GPHN: variants seen among roughly 807,000 people sequenced by gnomAD.
GPHN encodes the protein gephyrin.
Under a neutral mutation model 95.5 loss-of-function variants are expected in GPHN, and 17 were observed. The ratio of observed to expected loss-of-function variants is 0.18; its 90% CI spans 0.12 to 0.27. The LOEUF is 0.27. Ranked by LOEUF, GPHN falls within the 10% of genes least tolerant of loss-of-function variation. GPHN has a pLI of 1.00. For missense variants in GPHN, 660 were observed against 978.1 expected (o/e 0.67, Z 4.34); for synonymous variants, 320 against 322.5 (o/e 0.99, Z 0.08).
intron 5 of GPHN, among the ~76,000 whole-genome samples, chr14:66,882,702 G>C (rs1197585433): frequency 6.6e-6 from 1 of 151,678 alleles, no homozygotes; most frequent in Non-Finnish European, 1.5e-5. Flanking sequence ...GACCATGGTT[G>C]TTTCGTTAGA....
chr14:66,899,878 G>T (rs1156983460), intron 5 of GPHN, among the ~76,000 whole-genome samples: 1 of 151,778 alleles, frequency 6.6e-6, no homozygotes. Context: ...ATTCACTAGT[G>T]GAACCATCTG....
chr14:67,235,532 G>A, the GPHN span, among the ~76,000 whole-genome samples: 1 of 152,028 alleles, frequency 6.6e-6, no homozygotes, highest in Non-Finnish European at 1.5e-5. Flanking sequence ...TGGCTAACAC[G>A]GTGAAACCCT....
chr14:66,696,351 C>G (rs2068095304), intron 2 of GPHN, among the ~76,000 whole-genome samples: 1 of 152,198 alleles, frequency 6.6e-6, no homozygotes, highest in East Asian at 1.9e-4. Flanking sequence ...AGCCTTGAGT[C>G]TTCCAATTCT....
chr14:67,573,986 G>A, the GPHN span: 1 of 876,740 alleles, frequency 1.1e-6, no homozygotes, highest in Non-Finnish European at 1.9e-6. This position sits in a 1 kb window ranked among gnomAD's most constrained non-coding sequence, Gnocchi z 4.8. Context: ...GAGCATGAAT[G>A]AAAGACTTCA....
chr14:66,747,611 TA>T (rs35180294), intron 2 of GPHN, among the ~76,000 whole-genome samples: 47,895 of 144,686 alleles, frequency 0.33, 11,095 homozygotes, highest in African/African-American at 0.64. Flanking sequence ...TAGTACATTG[TA>T]AAAAAAAAAA....
At chr14:67,050,536 T>C (rs529282301) in intron 10 of GPHN, among the ~76,000 whole-genome samples, 18 of 152,304 alleles carry the variant, frequency 1.2e-4, no homozygotes, top group Admixed American at 1.1e-3. Flanking sequence ...AATATTTAAA[T>C]ATCTATAGCA....
At chr14:67,126,134 A>G (rs1232706390) in intron 17 of GPHN, among the ~76,000 whole-genome samples, 1 of 152,184 alleles carries the variant, frequency 6.6e-6, no homozygotes, top group Non-Finnish European at 1.5e-5. Context: ...TAAACATTAT[A>G]TATATATTAA....
the GPHN span, among the ~76,000 whole-genome samples, chr14:67,693,463 C>T: frequency 2.0e-5 from 3 of 150,948 alleles, no homozygotes; most frequent in African/African-American, 7.3e-5. Context: ...ATGGCTAATC[C>T]AATACAAAAA....
chr14:66,820,185 C>G (rs1008757808), intron 3 of GPHN, among the ~76,000 whole-genome samples: 2 of 152,080 alleles, frequency 1.3e-5, no homozygotes, highest in African/African-American at 4.8e-5. Flanking sequence ...TCCTTACCTT[C>G]CAATTTCTGT....
At chr14:66,680,899 G>A (rs2066895670) in intron 1 of GPHN, among the ~76,000 whole-genome samples, 1 of 151,778 alleles carries the variant, frequency 6.6e-6, no homozygotes, top group South Asian at 2.1e-4. Context: ...GCTTAAAGTA[G>A]TGGATTGTTA....
At chr14:67,064,227 G>T (rs941715031) in intron 11 of GPHN, among the ~76,000 whole-genome samples, 1 of 152,126 alleles carries the variant, frequency 6.6e-6, no homozygotes, top group African/African-American at 2.4e-5. Flanking sequence ...TTATGTGATG[G>T]ATTACGTTTA....
At chr14:67,396,944 C>CTT in the GPHN span, among the ~76,000 whole-genome samples, 5,402 of 138,382 alleles carry the variant, frequency 0.039, 6 homozygotes, top group East Asian at 0.12. Context: ...TATTGGGAGA[C>CTT]TTTTTTTTTT....
intron 2 of GPHN, among the ~76,000 whole-genome samples, chr14:66,698,265 G>A (rs77768238): frequency 0.019 from 2,912 of 152,198 alleles, 37 homozygotes; most frequent in Middle Eastern, 0.034. Flanking sequence ...TCAAAATGGA[G>A]AAAAAGGTTA....
chr14:67,441,822 C>G, the GPHN span: 1 of 152,222 alleles, frequency 6.6e-6, no homozygotes, highest in Non-Finnish European at 1.5e-5. Context: ...CGGACTGGAA[C>G]TCACAGCACT....
chr14:67,294,228 T>G, the GPHN span: 1 of 152,188 alleles, frequency 6.6e-6, no homozygotes, highest in Non-Finnish European at 1.5e-5. Flanking sequence ...TATAGTGTCT[T>G]CAGTGATAGA....
At chr14:67,156,116 A>G (rs1274644317) in intron 18 of GPHN, among the ~76,000 whole-genome samples, 1 of 152,224 alleles carries the variant, frequency 6.6e-6, no homozygotes, top group Non-Finnish European at 1.5e-5. Flanking sequence ...TTATGGAAGC[A>G]TGGAAATGCA....
the GPHN span, among the ~76,000 whole-genome samples, chr14:67,356,356 G>A: frequency 6.6e-6 from 1 of 151,656 alleles, no homozygotes; most frequent in Admixed American, 6.6e-5. Context: ...GGCAGGCAGA[G>A]GTTGCAGTGA....
intron 8 of GPHN, among the ~76,000 whole-genome samples, chr14:66,935,531 GTATGT>G (rs1351474170): frequency 6.6e-6 from 1 of 150,904 alleles, no homozygotes; most frequent in Non-Finnish European, 1.5e-5. Flanking sequence ...CAAACATGCT[GTATGT>G]TATGTTTATC....
chr14:66,912,297 A>G (rs991264633), intron 5 of GPHN, among the ~76,000 whole-genome samples: 11 of 152,014 alleles, frequency 7.2e-5, no homozygotes, highest in Admixed American at 3.9e-4. Context: ...CCTCTGTAAC[A>G]ACTACCAGTT....
Sources: allele counts gnomAD v4.1 joint callset (sites outside exome capture counted in the v4.1 genomes callset), GRCh38; gene constraint gnomAD v4.1.1; non-coding constraint Gnocchi (gnomAD v3.1); transcripts MANE v1.5; gene names NCBI Gene and HGNC (gene_info 2026-07-23, HGNC 2026-07-21).